GRM5: variants seen among roughly 807,000 people sequenced by gnomAD.
GRM5 encodes glutamate metabotropic receptor 5.
In GRM5, 19 loss-of-function variants were observed where a neutral mutation model predicts 83.1. That is an observed-to-expected ratio of 0.23 (90% confidence interval 0.16 to 0.34). The LOEUF is 0.34. Among genes scored for constraint, GRM5 ranks in the 10% least tolerant of loss-of-function variants. The pLI is 1.00. For synonymous variants in GRM5, 675 were observed against 633.6 expected (o/e 1.07, Z -0.98); for missense variants, 1,160 against 1,588.3 (o/e 0.73, Z 4.58).
At chr11:88,551,924 T>C (rs1371283584) in intron 8 of GRM5, among the ~76,000 whole-genome samples, 1 of 152,196 alleles carries the variant, frequency 6.6e-6, no homozygotes, top group Non-Finnish European at 1.5e-5. Context: ...TAGGAAGATA[T>C]TTAGGCAAGC....
In GRM5 at chr11:88,703,385, G is replaced by GTGAT. The variant is rs1941080383; in HGVS notation, c.912-49983_912-49982insATCA. 1.7e-4 allele frequency among the ~76,000 whole-genome samples: 8 copies of GTGAT among 47,916 alleles called. No individual in the cohort carries two copies. The South Asian group carries it at 0.011, about 63-fold the overall frequency. 31.4% of individuals were successfully genotyped at this position (47,916 alleles called of 152,430 possible). A position where few individuals can be genotyped will look rare whatever the true frequency, so the allele number is the denominator to read the frequency against. ...CATTGGGATAGTACTGGACACCTGA[G>GTGAT]GGATGGTATGTAGACATCTCATGTT... is the stretch of plus-strand genomic sequence containing the variant. On this transcript the variant is annotated intron_variant, in intron 3 of 9. Coordinates refer to ENST00000305447, the MANE Select transcript of GRM5 (RefSeq NM_001143831.3).
rs138824485 is a variant in GRM5 at position 88,533,448 on chromosome 11, C to A, written c.2631-8044G>T. Among the ~76,000 whole-genome samples the A allele has an allele frequency of 7.9e-3, 1,196 of 152,262 alleles. 20 individuals are homozygous for A. The highest frequency in any genetic ancestry group is 0.027 in the African/African-American group (1,134 of 41,552). On this transcript the variant is annotated intron_variant, in intron 8 of 9. Transcript: ENST00000305447. ...CCACCCTATTTAAAAAGGCAACTAC[C>A]ACTCTACTCTTTCTGTTACCATTTC...
intron 2 of GRM5, among the ~76,000 whole-genome samples, chr11:88,914,630 C>T (rs1945559542): frequency 6.6e-6 from 1 of 152,056 alleles, no homozygotes; most frequent in African/African-American, 2.4e-5. Flanking sequence ...TCCTTGCTGC[C>T]CTGTTTCTCT....
At chr11:89,019,813 A>G (rs1385133518) in intron 2 of GRM5, among the ~76,000 whole-genome samples, 1 of 152,226 alleles carries the variant, frequency 6.6e-6, no homozygotes. Context: ...TCTGCTATAA[A>G]ACAGGAAGAC....
chr11:88,892,973 A>G (rs570618741), intron 2 of GRM5, among the ~76,000 whole-genome samples: 1 of 152,116 alleles, frequency 6.6e-6, no homozygotes, highest in Admixed American at 6.6e-5. Context: ...GTAAAACTTT[A>G]GATGAAAATT....
At chr11:88,543,633 C>CTTTT (rs57828466) in intron 8 of GRM5, among the ~76,000 whole-genome samples, 5 of 133,814 alleles carry the variant, frequency 3.7e-5, no homozygotes, top group Non-Finnish European at 8.0e-5. Flanking sequence ...TCATGTTATC[C>CTTTT]TTTTTTTTTT....
chr11:88,590,858 C>G lies in GRM5; in HGVS notation c.1564-131G>C, dbSNP rs981530892. The stretch of plus-strand genomic sequence containing the variant: ...ATTATTTTAAATGTTTTCAGATAAG[C>G]AGTACAATTTTTAATATTAATTTAT... On this transcript the variant is annotated intron_variant, in intron 6 of 9. Coordinates refer to ENST00000305447, the MANE Select transcript of GRM5 (RefSeq NM_001143831.3). 5.6e-6 allele frequency: 3 copies of G among 534,226 alleles called. No homozygotes were observed. The Admixed American group carries it at 9.8e-5, about 17-fold the overall frequency. 33.1% of individuals were successfully genotyped at this position (534,226 alleles called of 1,614,324 possible).
chr11:88,779,750 A>C (rs938450293), intron 3 of GRM5, among the ~76,000 whole-genome samples: 1 of 152,170 alleles, frequency 6.6e-6, no homozygotes, highest in Non-Finnish European at 1.5e-5. Context: ...GTCACCGAAA[A>C]GCAAACACCA....
chr11:88,839,918 C>T (rs1944165999), intron 3 of GRM5, among the ~76,000 whole-genome samples: 1 of 152,058 alleles, frequency 6.6e-6, no homozygotes, highest in African/African-American at 2.4e-5. Flanking sequence ...TCAAGAAAAT[C>T]ATAGGGAAGA....
At chr11:88,813,611 T>C (rs537822392) in intron 3 of GRM5, among the ~76,000 whole-genome samples, 27 of 152,316 alleles carry the variant, frequency 1.8e-4, no homozygotes, top group African/African-American at 6.3e-4. Flanking sequence ...AAAGCCCCAG[T>C]TTTATATCAC....
chr11:89,043,396 G>T (rs902974000), intron 2 of GRM5, among the ~76,000 whole-genome samples: 3 of 152,044 alleles, frequency 2.0e-5, no homozygotes, highest in African/African-American at 4.8e-5. Context: ...TCAAGGTAAA[G>T]AATATAATAA....
At chr11:88,913,157 T>C (rs1260251783) in intron 2 of GRM5, among the ~76,000 whole-genome samples, 1 of 152,158 alleles carries the variant, frequency 6.6e-6, no homozygotes, top group Admixed American at 6.5e-5. Flanking sequence ...TTAAATAGGT[T>C]TGTTTGTCAA....
chr11:88,754,227 G>C (rs766922790), intron 3 of GRM5, among the ~76,000 whole-genome samples: 4 of 152,102 alleles, frequency 2.6e-5, no homozygotes, highest in Non-Finnish European at 4.4e-5. Context: ...AATGGGAGCT[G>C]AGTGATGAGA....
Position 88,756,272 on chromosome 11 carries a change from A to T in GRM5, c.911+93634T>A, listed in dbSNP as rs1027733593. ...GATCATATAAATCATGTATTTCAATACTCAAATTTACAGATGACAGACTAG... is the reference window on the plus strand; with the variant it reads ...GATCATATAAATCATGTATTTCAATTCTCAAATTTACAGATGACAGACTAG... On this transcript the variant is annotated intron_variant, in intron 3 of 9. Transcript: ENST00000305447. 5.9e-5 allele frequency among the ~76,000 whole-genome samples: 9 copies of T among 152,308 alleles called. 1 individual carries two copies. The South Asian group carries it at 1.9e-3, about 32-fold the overall frequency.
intron 2 of GRM5, among the ~76,000 whole-genome samples, chr11:89,023,129 T>C (rs1941028011): frequency 6.9e-6 from 1 of 144,330 alleles, no homozygotes; most frequent in African/African-American, 2.7e-5. Context: ...ATGAATGAAG[T>C]ATATGCAAAG....
chr11:88,700,682 AT>A (rs1303540497), intron 3 of GRM5, among the ~76,000 whole-genome samples: 2 of 152,120 alleles, frequency 1.3e-5, no homozygotes, highest in African/African-American at 2.4e-5. Flanking sequence ...GGCATCCTTT[AT>A]AATGTTGCAC....
chr11:88,573,542 G>T (rs377503071), intron 7 of GRM5, among the ~76,000 whole-genome samples: 3 of 152,146 alleles, frequency 2.0e-5, no homozygotes, highest in South Asian at 4.1e-4. Flanking sequence ...TTGCTGTTTA[G>T]AATCTCTGAG....
intron 2 of GRM5, among the ~76,000 whole-genome samples, chr11:88,859,515 A>C (rs1281738242): frequency 1.3e-5 from 2 of 152,250 alleles, no homozygotes; most frequent in Non-Finnish European, 1.5e-5. Context: ...ATTAAAACCA[A>C]CCAACCTAAT....
chr11:88,797,039 A>C (rs1287093184), intron 3 of GRM5, among the ~76,000 whole-genome samples: 1 of 152,044 alleles, frequency 6.6e-6, no homozygotes, highest in Non-Finnish European at 1.5e-5. Context: ...ATTAATGTAT[A>C]CAAAATTAGT....
Sources: gnomAD v4.1 joint callset for allele counts (sites outside exome capture counted in the v4.1 genomes callset) on GRCh38, gnomAD v4.1.1 for gene constraint, MANE v1.5 for transcripts, NCBI Gene and HGNC (gene_info 2026-07-23, HGNC 2026-07-21) for gene names.